ASIC2: variants seen among roughly 807,000 people sequenced by gnomAD.
The protein encoded by ASIC2 is acid-sensing ion channel 2.
In ASIC2, 25 loss-of-function variants were observed where a neutral mutation model predicts 57.3. The observed-to-expected ratio is 0.44, with a 90% CI of 0.32 to 0.61. The LOEUF (loss-of-function observed/expected upper bound fraction) is 0.61. Ranked by LOEUF, ASIC2 falls within the 20% of genes least tolerant of loss-of-function variation. The pLI, the probability that ASIC2 is intolerant of heterozygous loss-of-function variation, is 0.06. For missense variants in ASIC2, 641 were observed against 738.1 expected (o/e 0.87, Z 1.52); for synonymous variants, 319 against 307.5 (o/e 1.04, Z -0.39).
At chr17:33,851,517 C>T (rs2141915962) in intron 1 of ASIC2, among the ~76,000 whole-genome samples, 1 of 152,288 alleles carries the variant, frequency 6.6e-6, no homozygotes, top group African/African-American at 2.4e-5. Flanking sequence ...AAAAAACAAT[C>T]CACAACAGCA....
chr17:33,072,928 C>T (rs917519929), intron 3 of ASIC2, among the ~76,000 whole-genome samples: 6 of 152,256 alleles, frequency 3.9e-5, no homozygotes, highest in African/African-American at 7.2e-5. Flanking sequence ...CAGCAATCAA[C>T]GCCATCCCAG....
In ASIC2 at chr17:33,109,652, CT is replaced by C. The variant is rs559707462; in HGVS notation, c.859+2264del. 3.2e-3 allele frequency among the ~76,000 whole-genome samples: 495 copies of C among 152,348 alleles called. 1 individual carries two copies. The highest frequency in any genetic ancestry group is 4.1e-3 in the Non-Finnish European group (279 of 68,036). Reference sequence around the variant, plus strand: ...GTCTTTTCTCATGCCTCCTGCACCCCTGATGATGACCTGCGCAGTGTTAGCA... The same window carrying C: ...GTCTTTTCTCATGCCTCCTGCACCCCGATGATGACCTGCGCAGTGTTAGCA... On this transcript the variant is annotated intron_variant, in intron 2 of 9. Transcript: ENST00000225823.
intron 1 of ASIC2, among the ~76,000 whole-genome samples, chr17:33,578,713 C>G (rs1401629786): frequency 6.6e-6 from 1 of 152,226 alleles, no homozygotes; most frequent in Admixed American, 6.5e-5. Flanking sequence ...ACTGACCCGG[C>G]TTGACCTTGA....
At chr17:33,901,150 C>T (rs1292745428) in intron 1 of ASIC2, among the ~76,000 whole-genome samples, 1 of 152,160 alleles carries the variant, frequency 6.6e-6, no homozygotes, top group Non-Finnish European at 1.5e-5. Flanking sequence ...AGATTCCTTG[C>T]ATTCTATCCT....
At chr17:33,076,987 A>G (rs2092091348) in intron 3 of ASIC2, among the ~76,000 whole-genome samples, 1 of 152,050 alleles carries the variant, frequency 6.6e-6, no homozygotes, top group Non-Finnish European at 1.5e-5. Flanking sequence ...ATGCTTTTTT[A>G]TTTTATGGAT....
rs555450864 is a variant in ASIC2, at chr17:34,148,038, T to C, written c.555+7940A>G. ...AAATTTTGTTAAATTCATCTCTTCA[T>C]TAATGGAAGAACTTTCTATAGAGAG... On this transcript the variant is annotated intron_variant, in intron 1 of 9. Transcript: ENST00000359872. Among the ~76,000 whole-genome samples the C allele has an allele frequency of 3.9e-5, 6 of 152,256 alleles. No homozygotes were observed. The East Asian group carries it at 1.2e-3, about 29-fold the overall frequency.
chr17:33,361,930 C>T (rs543152934), intron 1 of ASIC2, among the ~76,000 whole-genome samples: 156 of 152,332 alleles, frequency 1.0e-3, no homozygotes, highest in African/African-American at 3.5e-3. Flanking sequence ...CCTTGACCTT[C>T]GCTTGGTTTT....
chr17:33,452,074 A>T (rs1403763434), intron 1 of ASIC2, among the ~76,000 whole-genome samples: 2 of 152,262 alleles, frequency 1.3e-5, no homozygotes, highest in Non-Finnish European at 2.9e-5. Context: ...CTGTGAAATG[A>T]AAACTTGGAA....
intron 1 of ASIC2, among the ~76,000 whole-genome samples, chr17:33,993,610 T>G (rs555025035): frequency 6.6e-6 from 1 of 152,194 alleles, no homozygotes; most frequent in Non-Finnish European, 1.5e-5. Context: ...CTGTGAAAAT[T>G]TGGCAAGCCA....
chr17:33,147,507 G>C (rs1904608645), intron 1 of ASIC2, among the ~76,000 whole-genome samples: 3 of 152,184 alleles, frequency 2.0e-5, no homozygotes, highest in Non-Finnish European at 4.4e-5. Flanking sequence ...GTTTGGGCCA[G>C]AGGAAGTGTT....
chr17:33,456,908 C>T (rs751738617), intron 1 of ASIC2, among the ~76,000 whole-genome samples: 4 of 152,238 alleles, frequency 2.6e-5, no homozygotes, highest in Non-Finnish European at 5.9e-5. Flanking sequence ...GATTGAAAGG[C>T]AGTCCTAAAT....
At chr17:33,971,949 A>G (rs1280426415) in intron 1 of ASIC2, among the ~76,000 whole-genome samples, 1 of 152,184 alleles carries the variant, frequency 6.6e-6, no homozygotes, top group African/African-American at 2.4e-5. Context: ...AAGTAATAAT[A>G]ATAACCACCA....
intron 1 of ASIC2, among the ~76,000 whole-genome samples, chr17:33,779,966 C>T (rs77957171): frequency 2.4e-5 from 1 of 41,448 alleles, no homozygotes; most frequent in African/African-American, 9.4e-5. Context: ...GCTACAGAAG[C>T]CTTTTTTTTT....
chr17:33,953,917 T>C (rs1251528973), intron 1 of ASIC2, among the ~76,000 whole-genome samples: 1 of 152,192 alleles, frequency 6.6e-6, no homozygotes, highest in African/African-American at 2.4e-5. Flanking sequence ...GGAATTTAAA[T>C]TTCATTTGCT....
chr17:33,237,711 A>G (rs1317706725), intron 1 of ASIC2, among the ~76,000 whole-genome samples: 1 of 152,224 alleles, frequency 6.6e-6, no homozygotes, highest in Non-Finnish European at 1.5e-5. Context: ...CAATGTATCT[A>G]TGTGGCAGGG....
intron 1 of ASIC2, among the ~76,000 whole-genome samples, chr17:33,722,049 A>G (rs1257395164): frequency 1.3e-5 from 2 of 152,232 alleles, no homozygotes; most frequent in African/African-American, 4.8e-5. Context: ...AGTAAGTGAT[A>G]TGGTTTGGCT....
At chr17:33,805,503 G>A (rs1316602983) in intron 1 of ASIC2, among the ~76,000 whole-genome samples, 2 of 152,182 alleles carry the variant, frequency 1.3e-5, no homozygotes, top group Non-Finnish European at 2.9e-5. Flanking sequence ...CTTTCTTTGA[G>A]ATCCCAGAAA....
intron 1 of ASIC2, among the ~76,000 whole-genome samples, chr17:33,422,883 G>A (rs748866697): frequency 6.6e-6 from 1 of 152,114 alleles, no homozygotes; most frequent in Non-Finnish European, 1.5e-5. Flanking sequence ...TAGGGACAGT[G>A]GTAGGAACTG....
At chr17:33,245,641 T>C (rs1195299130) in intron 1 of ASIC2, among the ~76,000 whole-genome samples, 2 of 152,184 alleles carry the variant, frequency 1.3e-5, no homozygotes, top group Non-Finnish European at 2.9e-5. Flanking sequence ...CTGGGGGTCC[T>C]CCTTGAGGCA....
Sources: gnomAD v4.1 joint callset for allele counts (sites outside exome capture counted in the v4.1 genomes callset) on GRCh38, gnomAD v4.1.1 for gene constraint, MANE v1.5 for transcripts, NCBI Gene and HGNC (gene_info 2026-07-23, HGNC 2026-07-21) for gene names.